XKR3: variants seen among roughly 807,000 people sequenced by gnomAD.
XKR3 encodes the protein XK related 3.
Under a neutral mutation model 40.3 loss-of-function variants are expected in XKR3, and 27 were observed. The ratio of observed to expected loss-of-function variants is 0.67; its 90% confidence interval spans 0.49 to 0.92. XKR3 has a LOEUF of 0.92. XKR3 is among the 40% of genes least tolerant of loss of function. XKR3 has a pLI of 0.00. For missense variants in XKR3, 472 were observed against 537.6 expected (o/e 0.88, Z 1.21); for synonymous variants, 193 against 195.4 (o/e 0.99, Z 0.10).
chr22:16,811,640 C>T (rs992062397), intron 1 of XKR3, among the ~76,000 whole-genome samples: 1 of 152,094 alleles, frequency 6.6e-6, no homozygotes, highest in African/African-American at 2.4e-5. Flanking sequence ...CACGTGTACG[C>T]TGAACAATTT....
At chr22:16,822,013 C>A (rs2060258710) in intron 1 of XKR3, among the ~76,000 whole-genome samples, 2 of 151,950 alleles carry the variant, frequency 1.3e-5, no homozygotes, top group Non-Finnish European at 1.5e-5. Context: ...ACTGTATCTA[C>A]AAATTAATTT....
intron 3 of XKR3, among the ~76,000 whole-genome samples, chr22:16,787,253 AT>A (rs1234163544): frequency 1.3e-5 from 2 of 152,140 alleles, no homozygotes; most frequent in African/African-American, 2.4e-5. Context: ...GAACAAATGT[AT>A]TAGTCACTGG....
At chr22:16,787,306 C>T (rs1203030231) in intron 3 of XKR3, among the ~76,000 whole-genome samples, 2 of 151,990 alleles carry the variant, frequency 1.3e-5, no homozygotes, top group African/African-American at 4.8e-5. Context: ...CACCTGTAAT[C>T]GCAGCTATTT....
rs554591719 is a variant in XKR3, at chr22:16,807,635, A to C, written c.335+104T>G. On this transcript the variant is annotated intron_variant, in intron 2 of 3. Coordinates refer to ENST00000684488, the MANE Select transcript of XKR3 (RefSeq NM_001386955.1). Reference sequence around the variant, plus strand: ...ATAAATCTAAAGAGGGAAATATTTCAATTCCGTAAACGATAATTATGGCAT... The same window carrying C: ...ATAAATCTAAAGAGGGAAATATTTCCATTCCGTAAACGATAATTATGGCAT... The C allele has an allele frequency of 8.8e-5, 95 of 1,078,016 alleles. 1 individual carries two copies. Among genetic ancestry groups the C allele is most frequent in the South Asian group, 8.7e-4 (49 of 56,582 alleles). 66.8% of individuals were successfully genotyped at this position (1,078,016 alleles called of 1,614,324 possible).
At chr22:16,811,404 C>T (rs1484428910) in intron 1 of XKR3, among the ~76,000 whole-genome samples, 8 of 152,044 alleles carry the variant, frequency 5.3e-5, no homozygotes, top group Non-Finnish European at 1.5e-5. Context: ...TTGGATTCAC[C>T]CTGAGTCCAC....
chr22:16,816,337 ACATTAATTAC>A (rs2060233118), intron 1 of XKR3, among the ~76,000 whole-genome samples: 1 of 149,560 alleles, frequency 6.7e-6, no homozygotes, highest in Non-Finnish European at 1.5e-5. Context: ...CCTGCTTTTG[ACATTAATTAC>A]CATATTTTTA....
chr22:16,784,520 G>T, intron 3 of XKR3, 111 bp from the exon 4 acceptor site: 1 of 1,003,882 alleles, frequency 1.0e-6, no homozygotes, highest in Non-Finnish European at 1.4e-6. Context: ...ACCTCCTTTA[G>T]AAAATCATTT....
intron 3 of XKR3, among the ~76,000 whole-genome samples, chr22:16,785,178 G>A (rs1291290608): frequency 2.0e-5 from 3 of 152,044 alleles, no homozygotes; most frequent in Non-Finnish European, 2.9e-5. Flanking sequence ...TTAGCCGGGC[G>A]TAGTGGTGGG....
intron 3 of XKR3, among the ~76,000 whole-genome samples, chr22:16,797,404 G>A (rs1252099055): frequency 1.3e-5 from 2 of 152,178 alleles, no homozygotes; most frequent in Non-Finnish European, 2.9e-5. Flanking sequence ...AATGGGAGAA[G>A]ATATTTGCAA....
intron 3 of XKR3, among the ~76,000 whole-genome samples, chr22:16,797,483 A>G (rs540571155): frequency 1.3e-5 from 2 of 152,278 alleles, no homozygotes; most frequent in East Asian, 3.9e-4. Flanking sequence ...CACAAAACAA[A>G]TAACTCTGTT....
chr22:16,789,528 A>G (rs2060104916), intron 3 of XKR3, among the ~76,000 whole-genome samples: 1 of 152,236 alleles, frequency 6.6e-6, no homozygotes, highest in Non-Finnish European at 1.5e-5. Context: ...TTAAAATAAC[A>G]TAAATCAATG....
At chr22:16,792,202 T>C (rs1245142545) in intron 3 of XKR3, among the ~76,000 whole-genome samples, 3 of 152,130 alleles carry the variant, frequency 2.0e-5, no homozygotes, top group Admixed American at 6.6e-5. Context: ...CACCTTGGCC[T>C]CCTAAAATGC....
At chr22:16,806,739 A>G (rs1269508211) in intron 2 of XKR3, among the ~76,000 whole-genome samples, 1 of 152,148 alleles carries the variant, frequency 6.6e-6, no homozygotes, top group Non-Finnish European at 1.5e-5. Flanking sequence ...CACCCAACCT[A>G]CAGTTAAGTT....
At chr22:16,786,756 G>GAGAC (rs2060092422) in intron 3 of XKR3, among the ~76,000 whole-genome samples, 1 of 152,076 alleles carries the variant, frequency 6.6e-6, no homozygotes, top group African/African-American at 2.4e-5. Context: ...TGAATCTCTG[G>GAGAC]ACAGGCTTAC....
intron 1 of XKR3, among the ~76,000 whole-genome samples, chr22:16,814,446 T>C (rs1184276795): frequency 6.6e-6 from 1 of 152,156 alleles, no homozygotes; most frequent in Non-Finnish European, 1.5e-5. Flanking sequence ...GTGTATTGTT[T>C]TGGCTATTCT....
intron 3 of XKR3, among the ~76,000 whole-genome samples, chr22:16,784,944 A>G (rs1483199305): frequency 6.6e-6 from 1 of 152,206 alleles, no homozygotes; most frequent in Non-Finnish European, 1.5e-5. Flanking sequence ...AAATCCTGGA[A>G]GTGGAGCTGA....
Position 16,784,391 on chromosome 22 carries a change from G to C in XKR3, c.608C>G (p.Ser203Cys). Residue 203 changes from serine (S) to cysteine (C), a missense_variant, in exon 4 of 4, where the codon TCC becomes TGC. Coordinates refer to ENST00000684488, the MANE Select transcript of XKR3 (RefSeq NM_001386955.1). ...PLNRALLMTF[S>C]LLSVTYGAIR... Reference sequence around the variant, plus strand: ...GGCCCCATAAGTAACTGATAACAGGGAAAATGTCATCAGCAATGCTATTAA... The same window carrying C: ...GGCCCCATAAGTAACTGATAACAGGCAAAATGTCATCAGCAATGCTATTAA... The C allele has an allele frequency of 1.3e-6, 2 of 1,598,430 alleles. No homozygotes were observed. The highest frequency in any genetic ancestry group is 3.4e-4 in the Middle Eastern group (2 of 5,936).
At chr22:16,791,885 C>T (rs1428439130) in intron 3 of XKR3, among the ~76,000 whole-genome samples, 1 of 149,584 alleles carries the variant, frequency 6.7e-6, no homozygotes, top group African/African-American at 2.5e-5. Flanking sequence ...AATTGTATTA[C>T]ACTGACCACT....
intron 2 of XKR3, among the ~76,000 whole-genome samples, chr22:16,805,828 C>A (rs983293424): frequency 6.6e-6 from 1 of 152,088 alleles, no homozygotes; most frequent in Non-Finnish European, 1.5e-5. Flanking sequence ...CAGGTCCATT[C>A]AAAAATCAAA....
Sources: allele counts gnomAD v4.1 joint callset (sites outside exome capture counted in the v4.1 genomes callset), GRCh38; gene constraint gnomAD v4.1.1; transcripts MANE v1.5; gene names NCBI Gene and HGNC (gene_info 2026-07-23, HGNC 2026-07-21).